LRP6: variants seen among roughly 807,000 people sequenced by gnomAD.
LRP6 encodes low-density lipoprotein receptor-related protein 6.
A neutral mutation model predicts 184.1 loss-of-function variants in LRP6; 43 were observed. That is an observed-to-expected ratio of 0.23 (90% confidence interval 0.18 to 0.30). The LOEUF (loss-of-function observed/expected upper bound fraction) is 0.30. LRP6 is among the 10% of genes least tolerant of loss of function. LRP6 has a pLI of 1.00. For synonymous variants in LRP6, 719 were observed against 684.9 expected (o/e 1.05, Z -0.78); for missense variants, 1,571 against 2,005.3 (o/e 0.78, Z 4.14).
chr12:12,130,189 CT>C (rs71435892), intron 19 of LRP6, among the ~76,000 whole-genome samples: 8,389 of 139,040 alleles, frequency 0.06, 229 homozygotes, highest in Middle Eastern at 0.18. Context: ...GAATTCTTTT[CT>C]TTTTTTTTTT....
At position 12,131,921 on chromosome 12, in the gene LRP6, C is replaced by A. The variant is rs1034145234; in HGVS notation, c.3870G>T (p.Glu1290Asp). 6 of 1,614,080 alleles carry A rather than the reference C, an allele frequency of 3.7e-6. No individual in the cohort carries two copies. The African/African-American group carries it at 4.0e-5, about 11-fold the overall frequency. The change falls in exon 18 of 23, where the codon GAG becomes GAT. Residue 1290 changes from glutamate (E) to aspartate (D), a missense_variant. Glu to Asp is a conservative substitution (Grantham distance 45). Around this residue, in one of 4 missense-constraint regions of LRP6, gnomAD observed 763 missense variants for 859.5 expected, o/e 0.89. Transcript: ENST00000261349. The stretch of plus-strand genomic sequence containing the variant: ...GCCCACTGGCACACTGGAACTGGGA[C>A]TCTGAGCATACAGGACAATTGAGTT... ...SDELNCPVCS[E>D]SQFQCASGQC...
At chr12:12,153,076 C>A (rs994287775) in intron 12 of LRP6, among the ~76,000 whole-genome samples, 1 of 152,154 alleles carries the variant, frequency 6.6e-6, no homozygotes, top group South Asian at 2.1e-4. Flanking sequence ...GTCCATACTT[C>A]GAGTAGTAAA....
rs144203019 is a variant in LRP6, at chr12:12,184,772, G to T, written c.845-661C>A. ...ATGTTGAAAAGTCATGCCTTGGGAAGATTAACATAGAAGGGATAAGCAGAA... is the reference window on the plus strand; with the variant it reads ...ATGTTGAAAAGTCATGCCTTGGGAATATTAACATAGAAGGGATAAGCAGAA... On this transcript the variant is annotated intron_variant, in intron 4 of 22. Coordinates refer to ENST00000261349, the MANE Select transcript of LRP6 (RefSeq NM_002336.3). Among the ~76,000 whole-genome samples the T allele has an allele frequency of 3.9e-3, 589 of 152,146 alleles. 1 individual carries two copies. Among genetic ancestry groups the T allele is most frequent in the African/African-American group, 0.014 (562 of 41,502 alleles).
intron 1 of LRP6, among the ~76,000 whole-genome samples, chr12:12,254,711 T>C (rs1865418027): frequency 6.6e-6 from 1 of 152,256 alleles, no homozygotes; most frequent in Admixed American, 6.5e-5. Flanking sequence ...CAAATACTTC[T>C]AAGTTACAGT....
rs1423080687 is a variant in LRP6 at position 12,179,973 on chromosome 12, T to A, written c.1382A>T (p.Tyr461Phe). ...CGGAATTTCTCCCCAGTCAGTCCAATACATGTACCTAGAGAAGTATACAAA... is the reference window on the plus strand; with the variant it reads ...CGGAATTTCTCCCCAGTCAGTCCAAAACATGTACCTAGAGAAGTATACAAA... ...IVLDPMVGYMYWTDWGEIPKI... is the reference protein window; with the variant it reads ...IVLDPMVGYMFWTDWGEIPKI... Residue 461 changes from tyrosine (Y) to phenylalanine (F), a missense_variant, in exon 7 of 23, where the codon TAT (tyrosine) becomes TTT (phenylalanine). Tyr to Phe is a conservative substitution (Grantham distance 22). This residue lies in a region of LRP6 where 640 missense variants were observed against 851.9 expected (regional missense o/e 0.75). Coordinates refer to ENST00000261349, the MANE Select transcript of LRP6 (RefSeq NM_002336.3). The A allele has an allele frequency of 3.1e-6, 5 of 1,613,132 alleles. No individual in the cohort carries two copies. The highest frequency in any genetic ancestry group is 4.2e-6 in the Non-Finnish European group (5 of 1,179,246).
chr12:12,247,327 G>A lies in LRP6; in HGVS notation c.56-2672C>T, dbSNP rs186302047. ...CACTATCTTGGAAAACTATATCAAA[G>A]CTATAGGACATTAGGTGGCAGCCAA... On this transcript the variant is annotated intron_variant, in intron 1 of 22. Transcript: ENST00000261349. Among the ~76,000 whole-genome samples, 322 of 152,264 alleles carry A rather than the reference G, an allele frequency of 2.1e-3. 2 individuals carry two copies. The highest frequency in any genetic ancestry group is 7.5e-3 in the African/African-American group (313 of 41,546).
At chr12:12,257,199 G>A (rs183705734) in intron 1 of LRP6, among the ~76,000 whole-genome samples, 18 of 152,284 alleles carry the variant, frequency 1.2e-4, no homozygotes, top group Admixed American at 1.0e-3. Flanking sequence ...AACCCTGTGA[G>A]TATACTAAAA....
At chr12:12,246,886 A>G (rs1865201113) in intron 1 of LRP6, among the ~76,000 whole-genome samples, 1 of 152,234 alleles carries the variant, frequency 6.6e-6, no homozygotes, top group South Asian at 2.1e-4. Flanking sequence ...ATAGTTATAA[A>G]TGTATACTAT....
intron 2 of LRP6, among the ~76,000 whole-genome samples, chr12:12,240,190 G>A (rs776752657): frequency 1.3e-5 from 2 of 152,006 alleles, no homozygotes; most frequent in Admixed American, 6.6e-5. Flanking sequence ...TTTAGATAAT[G>A]ATCTCAAAAA....
At chr12:12,245,067 T>G (rs554333362) in intron 1 of LRP6, among the ~76,000 whole-genome samples, 17 of 152,290 alleles carry the variant, frequency 1.1e-4, no homozygotes, top group African/African-American at 3.6e-4. Context: ...TCCAAGGCAA[T>G]AGCTAGATAC....
intron 18 of LRP6, among the ~76,000 whole-genome samples, 180 bp downstream of exon 18, chr12:12,131,641 A>G (rs918823338): frequency 1.3e-5 from 2 of 152,202 alleles, no homozygotes; most frequent in Non-Finnish European, 2.9e-5. Flanking sequence ...AATTTGTATA[A>G]ATCTTATGCA....
intron 22 of LRP6, among the ~76,000 whole-genome samples, chr12:12,123,642 G>A (rs536084680): frequency 6.6e-6 from 1 of 152,168 alleles, no homozygotes; most frequent in Non-Finnish European, 1.5e-5. Context: ...CTGATGGTCT[G>A]TTGGCCTTTC....
intron 2 of LRP6, among the ~76,000 whole-genome samples, chr12:12,229,808 T>C (rs942384911): frequency 1.6e-4 from 24 of 152,234 alleles, no homozygotes; most frequent in African/African-American, 5.3e-4. Context: ...AGCAGTAATC[T>C]TTACTAACTC....
intron 7 of LRP6, among the ~76,000 whole-genome samples, chr12:12,174,574 TA>T (rs1227207224): frequency 3.9e-5 from 6 of 151,926 alleles, no homozygotes; most frequent in East Asian, 1.9e-4. Flanking sequence ...AAACCAACAG[TA>T]AAAAAAATTA....
intron 12 of LRP6, among the ~76,000 whole-genome samples, chr12:12,152,659 T>C (rs1228946571): frequency 6.6e-6 from 1 of 152,210 alleles, no homozygotes; most frequent in Non-Finnish European, 1.5e-5. Flanking sequence ...AAAATATCTG[T>C]ATACATTTCA....
Position 12,187,118 on chromosome 12 carries a change from G to C in LRP6, c.649C>G (p.Gln217Glu). The change falls in exon 4 of 23, where the codon CAG becomes GAG. Residue 217 changes from glutamine (Q) to glutamate (E), a missense_variant and splice_region_variant. Gln to Glu is a conservative substitution (Grantham distance 29). Around this residue, in one of 4 missense-constraint regions of LRP6, gnomAD observed 640 missense variants for 851.9 expected, o/e 0.75. Transcript: ENST00000261349. ...GGAAGGGAACCTTTAACCACTGCCT[G>C]CCTATTAACATAAAGAGAAAAATTT... ...HKSNLDGTNR[Q>E]AVVKGSLPHP... The C allele has an allele frequency of 6.2e-7, 1 of 1,613,830 alleles. No homozygotes were observed. Among genetic ancestry groups the C allele is most frequent in the East Asian group, 2.2e-5 (1 of 44,862 alleles).
chr12:12,124,743 T>TTA, intron 21 of LRP6, 81 bp from the exon 22 acceptor site: 1 of 851,682 alleles, frequency 1.2e-6, no homozygotes, highest in South Asian at 1.5e-5. Context: ...TTCCTTCATC[T>TTA]CTATTAGTGT....
At chr12:12,151,801 C>T (rs914375457) in intron 12 of LRP6, among the ~76,000 whole-genome samples, 1 of 152,018 alleles carries the variant, frequency 6.6e-6, no homozygotes, top group African/African-American at 2.4e-5. Flanking sequence ...CCTTGGCCTC[C>T]CAAACTGCTG....
At chr12:12,127,830 A>G (rs1949694181) in intron 19 of LRP6, among the ~76,000 whole-genome samples, 1 of 152,198 alleles carries the variant, frequency 6.6e-6, no homozygotes, top group Admixed American at 6.5e-5. Context: ...TCCCATCCAT[A>G]TAGCTAAACT....
Sources: allele counts gnomAD v4.1 joint callset (sites outside exome capture counted in the v4.1 genomes callset), GRCh38; gene constraint gnomAD v4.1.1; regional missense constraint gnomAD v4.1.1; transcripts MANE v1.5; gene names NCBI Gene and HGNC (gene_info 2026-07-23, HGNC 2026-07-21).